SHANK2: variants seen among roughly 807,000 people sequenced by gnomAD.
SHANK2 encodes SH3 and multiple ankyrin repeat domains 2.
A neutral mutation model predicts 133.7 loss-of-function variants in SHANK2; 43 were observed. That is an observed-to-expected ratio of 0.32 (90% CI 0.25 to 0.41). The LOEUF is 0.41. SHANK2 is among the 10% of genes least tolerant of loss of function. The pLI, the probability that SHANK2 is intolerant of heterozygous loss-of-function variation, is 1.00. For synonymous variants in SHANK2, 1,017 were observed against 952.8 expected, an observed-to-expected ratio of 1.07 and a Z score of -1.24; for missense variants, 1,994 against 2,235.8, an observed-to-expected ratio of 0.89 and a Z score of 2.18.
chr11:70,880,762 TC>T (rs1208043706), intron 11 of SHANK2, among the ~76,000 whole-genome samples: 1 of 152,156 alleles, frequency 6.6e-6, no homozygotes, highest in Non-Finnish European at 1.5e-5. Flanking sequence ...AGATTTTCCC[TC>T]CATAGAACAA....
chr11:70,884,460 T>C (rs997092298), intron 11 of SHANK2, among the ~76,000 whole-genome samples: 2 of 152,256 alleles, frequency 1.3e-5, no homozygotes, highest in Admixed American at 1.3e-4. Context: ...TTTGTTTGGT[T>C]TGGAACTTTC....
intron 11 of SHANK2, chr11:70,826,767 GGC>G (rs1458788187): frequency 2.0e-5 from 6 of 304,402 alleles, no homozygotes; most frequent in Non-Finnish European, 3.9e-5. Context: ...TACCTCTCGC[GGC>G]GCGCGTCATG....
chr11:70,758,853 C>A (rs1382541087), intron 14 of SHANK2, among the ~76,000 whole-genome samples: 1 of 152,300 alleles, frequency 6.6e-6, no homozygotes, highest in African/African-American at 2.4e-5. Flanking sequence ...AAGGGGACAC[C>A]ACAGAAGCCT....
Position 70,735,108 on chromosome 11 carries a change from C to T in SHANK2, c.1778-36345G>A, listed in dbSNP as rs917111805. ...GGAAGGTGGGCGAGGCCGTGGCCTCCCCCCAGGTGGGCAGGTTTTCGGGAC... is the reference window on the plus strand; with the variant it reads ...GGAAGGTGGGCGAGGCCGTGGCCTCTCCCCAGGTGGGCAGGTTTTCGGGAC... On this transcript the variant is annotated intron_variant, in intron 14 of 25. Coordinates refer to ENST00000601538, the MANE Select transcript of SHANK2 (RefSeq NM_012309.5). Among the ~76,000 whole-genome samples the T allele has an allele frequency of 6.6e-5, 10 of 152,290 alleles. No individual in the cohort carries two copies. In the East Asian group the frequency reaches 7.7e-4, roughly 12 times the overall value.
At chr11:70,671,346 C>T (rs1555016010) in intron 15 of SHANK2, among the ~76,000 whole-genome samples, 4 of 152,058 alleles carry the variant, frequency 2.6e-5, no homozygotes. Context: ...CCCCAGCTTC[C>T]CCAAACCAGC....
chr11:70,738,691 C>A (rs1221679414), intron 14 of SHANK2, among the ~76,000 whole-genome samples: 1 of 152,226 alleles, frequency 6.6e-6, no homozygotes, highest in African/African-American at 2.4e-5. Context: ...ATTCTTATAA[C>A]CCCCATCAGT....
chr11:71,083,859 T>A (rs1565440587), intron 8 of SHANK2, among the ~76,000 whole-genome samples: 1 of 152,168 alleles, frequency 6.6e-6, no homozygotes, highest in South Asian at 2.1e-4. Context: ...TGCATTGGGG[T>A]GTTTCTTAAC....
At chr11:70,504,131 T>C (rs1055436073) in intron 17 of SHANK2, among the ~76,000 whole-genome samples, 1 of 152,180 alleles carries the variant, frequency 6.6e-6, no homozygotes, top group Non-Finnish European at 1.5e-5. Context: ...ACCCTGATCG[T>C]AAACAACAGC....
chr11:70,819,442 C>T (rs183124144), intron 12 of SHANK2, among the ~76,000 whole-genome samples: 8 of 152,338 alleles, frequency 5.3e-5, no homozygotes, highest in African/African-American at 9.6e-5. Flanking sequence ...CCTGGGGCCC[C>T]GACAATGAGC....
At chr11:70,502,082 G>T in intron 19 of SHANK2, 124 bp downstream of exon 19, 1 of 1,315,804 alleles carries the variant, frequency 7.6e-7, no homozygotes, top group Non-Finnish European at 1.1e-6. Context: ...ATGCACGTCT[G>T]GGTACAGGGG....
chr11:70,876,251 C>G (rs1358420683), intron 11 of SHANK2, among the ~76,000 whole-genome samples: 2,527 of 149,756 alleles, frequency 0.017, 81 homozygotes, highest in African/African-American at 0.059. Flanking sequence ...TAGACACACA[C>G]ACACACACAC....
intron 17 of SHANK2, among the ~76,000 whole-genome samples, chr11:70,591,951 G>A (rs35963670): frequency 0.19 from 29,165 of 151,944 alleles, 3,123 homozygotes; most frequent in East Asian, 0.41. Context: ...CCGGGAGGCC[G>A]AGGTTGCAGT....
intron 3 of SHANK2, among the ~76,000 whole-genome samples, chr11:71,130,280 C>T (rs547059789): frequency 2.6e-4 from 39 of 152,294 alleles, no homozygotes; most frequent in African/African-American, 8.7e-4. Flanking sequence ...TGTTGGGACA[C>T]GTCCGCACTG....
intron 17 of SHANK2, among the ~76,000 whole-genome samples, chr11:70,548,635 G>C (rs782821018): frequency 6.6e-6 from 1 of 152,178 alleles, no homozygotes; most frequent in African/African-American, 2.4e-5. Context: ...GCTGCCCTGC[G>C]CAAGTGCTGA....
chr11:71,140,997 C>T (rs1156634353), intron 3 of SHANK2, among the ~76,000 whole-genome samples: 3 of 152,258 alleles, frequency 2.0e-5, no homozygotes, highest in East Asian at 3.9e-4. Context: ...AGGACAGTGG[C>T]TCTGCCCCTC....
chr11:70,845,370 A>G (rs1948981515), intron 11 of SHANK2, among the ~76,000 whole-genome samples: 1 of 152,192 alleles, frequency 6.6e-6, no homozygotes, highest in South Asian at 2.1e-4. Flanking sequence ...TGAAGGACTC[A>G]TCAGAACAGA....
intron 8 of SHANK2, among the ~76,000 whole-genome samples, chr11:71,092,012 AG>A (rs1281009860): frequency 6.6e-6 from 1 of 152,138 alleles, no homozygotes; most frequent in East Asian, 1.9e-4. Context: ...CGTGCAAATC[AG>A]GACTTCCTGG....
rs529859528 is a variant in SHANK2 at position 70,728,922 on chromosome 11, G to A, written c.1778-30159C>T. Among the ~76,000 whole-genome samples the A allele has an allele frequency of 1.3e-4, 20 of 152,262 alleles. No homozygotes were observed. In the South Asian group the frequency reaches 4.1e-3, roughly 32 times the overall value. The stretch of plus-strand genomic sequence containing the variant: ...GTGTTGGCACCTGAGAAGGAATGAA[G>A]GGCCGGGCGTGGTGGCTCATGCCTG... On this transcript the variant is annotated intron_variant, in intron 14 of 25. Coordinates refer to ENST00000601538, the MANE Select transcript of SHANK2 (RefSeq NM_012309.5).
chr11:70,591,221 G>A (rs912741898), intron 17 of SHANK2, among the ~76,000 whole-genome samples: 2 of 152,036 alleles, frequency 1.3e-5, no homozygotes, highest in African/African-American at 2.4e-5. Context: ...GTGCGGTGGT[G>A]AGTGCCTGGG....
Sources: gnomAD v4.1 joint callset for allele counts (sites outside exome capture counted in the v4.1 genomes callset) on GRCh38, gnomAD v4.1.1 for gene constraint, MANE v1.5 for transcripts, NCBI Gene and HGNC (gene_info 2026-07-23, HGNC 2026-07-21) for gene names.